PRCP: variants seen among roughly 807,000 people sequenced by gnomAD.
PRCP encodes lysosomal Pro-X carboxypeptidase.
A neutral mutation model predicts 54.2 loss-of-function variants in PRCP; 46 were observed. The ratio of observed to expected loss-of-function variants is 0.85; its 90% CI spans 0.67 to 1.09. PRCP has a LOEUF of 1.09. Ranked by LOEUF, PRCP falls within the 50% of genes least tolerant of loss-of-function variation. The pLI, the probability that PRCP is intolerant of heterozygous loss-of-function variation, is 0.00. For missense variants in PRCP, 613 were observed against 596.8 expected (o/e 1.03, Z -0.28); for synonymous variants, 240 against 212.2 (o/e 1.13, Z -1.14).
At chr11:82,892,682 G>A (rs888627009) in intron 1 of PRCP, among the ~76,000 whole-genome samples, 1 of 152,096 alleles carries the variant, frequency 6.6e-6, no homozygotes. Flanking sequence ...CACACAACAG[G>A]TCAGTAAACT....
chr11:82,897,696 C>A (rs975954817), intron 1 of PRCP, among the ~76,000 whole-genome samples: 1 of 152,144 alleles, frequency 6.6e-6, no homozygotes, highest in Non-Finnish European at 1.5e-5. Flanking sequence ...AAAGTTGGAA[C>A]GACCAGCTAG....
At chr11:82,869,194 A>T (rs563136681) in intron 1 of PRCP, among the ~76,000 whole-genome samples, 155 of 151,948 alleles carry the variant, frequency 1.0e-3, no homozygotes, top group Non-Finnish European at 2.0e-3. Context: ...TGTCTCTACA[A>T]AAAATAAAAA....
At chr11:82,870,674 A>T (rs1246557241) in intron 1 of PRCP, among the ~76,000 whole-genome samples, 2 of 152,248 alleles carry the variant, frequency 1.3e-5, no homozygotes, top group African/African-American at 2.4e-5. Flanking sequence ...GCATGGAAGA[A>T]AAAACTGATG....
chr11:82,867,395 CAG>C (rs1859363508), intron 1 of PRCP, among the ~76,000 whole-genome samples: 1 of 152,160 alleles, frequency 6.6e-6, no homozygotes, highest in Non-Finnish European at 1.5e-5. Context: ...ACTGCTAAAA[CAG>C]AGGTGAAAAT....
intron 2 of PRCP, among the ~76,000 whole-genome samples, chr11:82,859,304 G>T (rs1191146675): frequency 6.6e-6 from 1 of 152,146 alleles, no homozygotes; most frequent in South Asian, 2.1e-4. Flanking sequence ...AAAAGAAAAT[G>T]GTAGAACAGG....
In PRCP at chr11:82,829,016, TA is replaced by T. The variant is rs369167623; in HGVS notation, c.1275-3895del. The T allele has an allele frequency of 9.9e-4, 151 of 152,324 alleles. 1 individual carries two copies. Among genetic ancestry groups the T allele is most frequent in the African/African-American group, 3.5e-3 (146 of 41,584 alleles). 9.4% of individuals were successfully genotyped at this position (152,324 alleles called of 1,614,324 possible). A position where few individuals can be genotyped will look rare whatever the true frequency, so the allele number is the denominator to read the frequency against. On this transcript the variant is annotated intron_variant, in intron 8 of 8. Coordinates refer to ENST00000313010, the MANE Select transcript of PRCP (RefSeq NM_005040.4). ...AAATCCTGTCATCTATATCTTCAAATATATCCATAATCTGACCATTTTGTAT... is the reference window on the plus strand; with the variant it reads ...AAATCCTGTCATCTATATCTTCAAATTATCCATAATCTGACCATTTTGTAT...
At chr11:82,855,722 C>T (rs1219865154) in intron 2 of PRCP, among the ~76,000 whole-genome samples, 3 of 152,130 alleles carry the variant, frequency 2.0e-5, no homozygotes, top group Admixed American at 1.3e-4. Context: ...CAAAAGAAGA[C>T]ATACACAAGG....
At chr11:82,884,870 G>C (rs1319641332) in intron 1 of PRCP, 2 of 1,613,594 alleles carry the variant, frequency 1.2e-6, no homozygotes, top group Non-Finnish European at 8.5e-7. Context: ...ATGTGCAACT[G>C]CCCAGCAGCA....
intron 6 of PRCP, among the ~76,000 whole-genome samples, chr11:82,842,143 C>T (rs1214445772): frequency 6.6e-6 from 1 of 152,188 alleles, no homozygotes; most frequent in Non-Finnish European, 1.5e-5. Flanking sequence ...ATGCTGGCAT[C>T]AGAGCCCCTC....
At chr11:82,892,836 A>G (rs376028043) in intron 1 of PRCP, among the ~76,000 whole-genome samples, 2 of 152,328 alleles carry the variant, frequency 1.3e-5, no homozygotes, top group East Asian at 3.9e-4. Context: ...TTGTTTCGAT[A>G]TAAGTTTGAG....
rs1858590314 is a variant in PRCP, at chr11:82,838,715, A to C, written c.1087-141T>G. 4.3e-6 allele frequency: 3 copies of C among 705,300 alleles called. 1 individual carries two copies. The Admixed American group carries it at 1.0e-4, about 24-fold the overall frequency. 43.7% of individuals were successfully genotyped at this position (705,300 alleles called of 1,614,324 possible). ...AGGCAGCTTCAACGCCCTGTTCTTT[A>C]CTTCTGCGCCATATAATCTCTCATT... is the stretch of plus-strand genomic sequence containing the variant. On this transcript the variant is annotated intron_variant, in intron 7 of 8. Coordinates refer to ENST00000313010, the MANE Select transcript of PRCP (RefSeq NM_005040.4).
chr11:82,850,083 G>A lies in PRCP; in HGVS notation c.594-12C>T, dbSNP rs779482895. 2.2e-6 allele frequency: 3 copies of A among 1,333,578 alleles called. No individual in the cohort carries two copies. The highest frequency in any genetic ancestry group is 5.0e-5 in the South Asian group (2 of 40,076). 82.6% of individuals were successfully genotyped at this position (1,333,578 alleles called of 1,614,324 possible). A position where few individuals can be genotyped will look rare whatever the true frequency, so the allele number is the denominator to read the frequency against. ...AAGCTGCAAGAGCTCTAAATGGCAA[G>A]AAAATCAAAGAAAGAAAAAAGAAAA... On this transcript the variant is annotated splice_polypyrimidine_tract_variant and intron_variant, in intron 4 of 8. Transcript: ENST00000313010.
At chr11:82,832,410 A>C (rs1858409797) in intron 8 of PRCP, among the ~76,000 whole-genome samples, 1 of 152,176 alleles carries the variant, frequency 6.6e-6, no homozygotes, top group African/African-American at 2.4e-5. Flanking sequence ...CTGGCGTGAA[A>C]TGGTGTCTCA....
At chr11:82,838,712 T>C in intron 7 of PRCP, 138 bp from the exon 8 acceptor site, 1 of 730,970 alleles carries the variant, frequency 1.4e-6, no homozygotes, top group Non-Finnish European at 2.1e-6. Context: ...CGCCCTGTTC[T>C]TTACTTCTGC....
At chr11:82,843,858 G>T (rs1227485003) in intron 6 of PRCP, among the ~76,000 whole-genome samples, 1 of 152,106 alleles carries the variant, frequency 6.6e-6, no homozygotes, top group African/African-American at 2.4e-5. Context: ...CAAGCTCAGA[G>T]GTCTGGCTAC....
chr11:82,832,671 G>T (rs572154069), intron 8 of PRCP, among the ~76,000 whole-genome samples: 60 of 152,304 alleles, frequency 3.9e-4, no homozygotes, highest in African/African-American at 1.4e-3. Flanking sequence ...TCACTCTGAT[G>T]ATAATTTATT....
At chr11:82,840,483 T>A (rs1462536954) in intron 6 of PRCP, 1 of 152,146 alleles carries the variant, frequency 6.6e-6, no homozygotes, top group African/African-American at 2.4e-5. Context: ...TAGGATAAAT[T>A]AAAAGATAGA....
Position 82,824,618 on chromosome 11 carries a change from C to G in PRCP, c.*288G>C. 2.6e-6 allele frequency: 1 copy of G among 378,434 alleles called. No homozygotes were observed. Among genetic ancestry groups the G allele is most frequent in the Non-Finnish European group, 4.9e-6 (1 of 205,092 alleles). 23.4% of individuals were successfully genotyped at this position (378,434 alleles called of 1,614,324 possible). A position where few individuals can be genotyped will look rare whatever the true frequency, so the allele number is the denominator to read the frequency against. On this transcript the variant is annotated 3_prime_UTR_variant, in exon 9 of 9. Transcript: ENST00000313010. ...AGATACAAAGAAAGTAACTCTCCCT[C>G]TTATGAAAAGCAACCAGGAACTCTA... is the stretch of plus-strand genomic sequence containing the variant.
chr11:82,831,624 C>A (rs1023369207), intron 8 of PRCP, among the ~76,000 whole-genome samples: 7 of 152,118 alleles, frequency 4.6e-5, no homozygotes, highest in Non-Finnish European at 8.8e-5. Context: ...ACTTCCCAAC[C>A]GGAAAAGCAA....
Sources: allele counts gnomAD v4.1 joint callset (sites outside exome capture counted in the v4.1 genomes callset), GRCh38; gene constraint gnomAD v4.1.1; transcripts MANE v1.5; gene names NCBI Gene and HGNC (gene_info 2026-07-23, HGNC 2026-07-21).